Variants in LRRC7 observed in about 807,000 individuals in gnomAD.
LRRC7 encodes leucine rich repeat containing 7.
In LRRC7, 23 loss-of-function variants were observed where a neutral mutation model predicts 175.7. That is an observed-to-expected ratio of 0.13 (90% CI 0.09 to 0.19). LRRC7 has a LOEUF of 0.19. LRRC7 is among the 10% of genes least tolerant of loss of function. The probability of loss-of-function intolerance (pLI) is 1.00; values close to 1 mark genes in which losing one functional copy is unlikely to be tolerated. For missense variants in LRRC7, 1,354 were observed against 1,904.7 expected, an observed-to-expected ratio of 0.71 and a Z score of 5.38; for synonymous variants, 685 against 680.9, an observed-to-expected ratio of 1.01 and a Z score of -0.09.
At chr1:69,725,583 TG>T (rs1666862260) in intron 2 of LRRC7, among the ~76,000 whole-genome samples, 1 of 152,250 alleles carries the variant, frequency 6.6e-6, no homozygotes, top group African/African-American at 2.4e-5. Flanking sequence ...CTTCAGATTC[TG>T]TATAGGTACG....
chr1:69,890,479 C>G (rs576321459), intron 7 of LRRC7, among the ~76,000 whole-genome samples: 2 of 152,198 alleles, frequency 1.3e-5, no homozygotes, highest in African/African-American at 2.4e-5. Flanking sequence ...ATTTCTAAAG[C>G]ACATGCAGAA....
intron 2 of LRRC7, among the ~76,000 whole-genome samples, chr1:69,745,859 T>C (rs1172239629): frequency 6.6e-6 from 1 of 151,918 alleles, no homozygotes; most frequent in Non-Finnish European, 1.5e-5. Context: ...ATTTGTACTT[T>C]TCTATAATTT....
chr1:69,975,323 A>G (rs1202613608), intron 8 of LRRC7, among the ~76,000 whole-genome samples: 1 of 152,166 alleles, frequency 6.6e-6, no homozygotes, highest in East Asian at 1.9e-4. Flanking sequence ...TATAGTTTGT[A>G]CCTTAGCCAA....
intron 1 of LRRC7, among the ~76,000 whole-genome samples, chr1:69,610,673 A>G (rs181984780): frequency 1.7e-3 from 256 of 152,150 alleles, no homozygotes; most frequent in African/African-American, 5.2e-3. Context: ...AATTTTTTAC[A>G]TAGGACATTT....
intron 3 of LRRC7, among the ~76,000 whole-genome samples, chr1:69,788,986 A>G (rs545002564): frequency 1.3e-4 from 20 of 152,314 alleles, no homozygotes; most frequent in Middle Eastern, 3.4e-3. Context: ...GCAAGTATCA[A>G]TAAATGGTTT....
chr1:69,607,665 T>G (rs1647827745), intron 1 of LRRC7: 1 of 152,148 alleles, frequency 6.6e-6, no homozygotes, highest in African/African-American at 2.4e-5. Context: ...GTTCTACATT[T>G]TCTAGTGTGT....
chr1:69,723,713 G>A (rs1294951269), intron 2 of LRRC7, among the ~76,000 whole-genome samples: 1 of 152,102 alleles, frequency 6.6e-6, no homozygotes, highest in Admixed American at 6.6e-5. Context: ...ATTTCTTACA[G>A]TTCTGGAGGC....
intron 7 of LRRC7, among the ~76,000 whole-genome samples, chr1:69,923,591 A>G (rs1366722496): frequency 3.9e-5 from 6 of 152,204 alleles, no homozygotes; most frequent in Non-Finnish European, 7.3e-5. Flanking sequence ...TTGGCTGCAT[A>G]AATGTCTTCT....
At chr1:69,985,930 A>G (rs2101897320) in intron 9 of LRRC7, among the ~76,000 whole-genome samples, 1 of 152,256 alleles carries the variant, frequency 6.6e-6, no homozygotes, top group African/African-American at 2.4e-5. Context: ...TGAATAATGC[A>G]TCTGTGACCA....
chr1:69,798,459 G>C (rs1236924359), intron 4 of LRRC7, among the ~76,000 whole-genome samples: 1 of 152,084 alleles, frequency 6.6e-6, no homozygotes, highest in Non-Finnish European at 1.5e-5. Flanking sequence ...TACACCCTGT[G>C]TATTGTCTAT....
At chr1:70,032,818 G>T (rs1658901277) in intron 18 of LRRC7, among the ~76,000 whole-genome samples, 1 of 152,156 alleles carries the variant, frequency 6.6e-6, no homozygotes, top group South Asian at 2.1e-4. Context: ...CCAAGATGCA[G>T]TTTGAACAGT....
chr1:69,865,469 C>CTTTTTTTTTTTTGTTTTTTTTTTTTT (rs1684823358), intron 7 of LRRC7, among the ~76,000 whole-genome samples: 1 of 51,262 alleles, frequency 2.0e-5, no homozygotes, highest in Non-Finnish European at 3.4e-5. Flanking sequence ...AAGACAGTTC[C>CTTTTTTTTTTTTGTTTTTTTTTTTTT]TTTTTTTTTT....
intron 4 of LRRC7, among the ~76,000 whole-genome samples, chr1:69,816,654 T>C (rs1678634976): frequency 6.6e-6 from 1 of 152,176 alleles, no homozygotes; most frequent in Non-Finnish European, 1.5e-5. Context: ...TTAACTTCCA[T>C]TTTCTATTTA....
chr1:69,817,435 TTGATATATA>T (rs1678729831), intron 4 of LRRC7, among the ~76,000 whole-genome samples: 1 of 152,040 alleles, frequency 6.6e-6, no homozygotes, highest in Non-Finnish European at 1.5e-5. Context: ...CATCAGTTGA[TTGATATATA>T]TGTGGCTTTT....
At chr1:70,006,366 G>A (rs1004326933) in intron 11 of LRRC7, among the ~76,000 whole-genome samples, 1 of 151,864 alleles carries the variant, frequency 6.6e-6, no homozygotes, top group African/African-American at 2.4e-5. Context: ...CAGCTACTGG[G>A]GAGGCTGAGG....
intron 2 of LRRC7, among the ~76,000 whole-genome samples, chr1:69,701,273 A>T (rs552802768): frequency 3.9e-4 from 59 of 152,256 alleles, no homozygotes; most frequent in Non-Finnish European, 7.1e-4. Context: ...GAAGTAAATG[A>T]GTATAAAAAT....
In LRRC7 at chr1:70,133,321, A is replaced by ACCTCC. The variant is rs1666750282; in HGVS notation, c.*11434_*11435insCCTCC. On this transcript the variant is annotated 3_prime_UTR_variant, in exon 27 of 27. Coordinates refer to ENST00000651989, the MANE Select transcript of LRRC7 (RefSeq NM_001370785.2). The stretch of plus-strand genomic sequence containing the variant: ...CTGCAACCTCCACCTCCTGGGTTCA[A>ACCTCC]ACGATTTTCCTGCCTCAGCCTCCCG... Among the ~76,000 whole-genome samples, 1 of 151,930 alleles carries ACCTCC rather than the reference A, an allele frequency of 6.6e-6. No homozygotes were observed. The highest frequency in any genetic ancestry group is 1.5e-5 in the Non-Finnish European group (1 of 67,984).
intron 7 of LRRC7, among the ~76,000 whole-genome samples, chr1:69,854,874 T>A (rs1407466981): frequency 1.3e-5 from 2 of 152,292 alleles, no homozygotes; most frequent in Middle Eastern, 3.4e-3. Flanking sequence ...TTTGGTTCCC[T>A]GCCTTTAGCA....
chr1:69,804,020 T>A (rs1189453190), intron 4 of LRRC7, among the ~76,000 whole-genome samples: 1 of 151,372 alleles, frequency 6.6e-6, no homozygotes, highest in Non-Finnish European at 1.5e-5. Context: ...ACTCATTAAT[T>A]TCTACTTTCT....
Sources: allele counts gnomAD v4.1 joint callset (sites outside exome capture counted in the v4.1 genomes callset), GRCh38; gene constraint gnomAD v4.1.1; transcripts MANE v1.5; gene names NCBI Gene and HGNC (gene_info 2026-07-23, HGNC 2026-07-21).